The following MNAT1 variants were observed in gnomAD, a reference collection of about 807,000 sequenced individuals.
MNAT1 encodes CDK-activating kinase assembly factor MAT1.
In MNAT1, 43 loss-of-function variants were observed where a neutral mutation model predicts 42.0. The observed-to-expected ratio is 1.02, with a 90% confidence interval of 0.80 to 1.32. MNAT1 has a LOEUF of 1.32. Among genes scored for constraint, MNAT1 ranks in the 40% most tolerant of loss-of-function variants. The probability of loss-of-function intolerance (pLI) is 0.00; values close to 1 mark genes in which losing one functional copy is unlikely to be tolerated. For synonymous variants in MNAT1, 118 were observed against 120.0 expected (o/e 0.98, Z 0.11); for missense variants, 306 against 350.4 (o/e 0.87, Z 1.01).
chr14:60,782,399 G>A (rs781485681), intron 1 of MNAT1, among the ~76,000 whole-genome samples: 2 of 152,052 alleles, frequency 1.3e-5, no homozygotes, highest in Non-Finnish European at 2.9e-5. Flanking sequence ...TACACTGTGT[G>A]TATTGATACC....
At chr14:60,869,040 A>ATATATATTTT (rs1465360826) in intron 6 of MNAT1, among the ~76,000 whole-genome samples, 15 of 113,054 alleles carry the variant, frequency 1.3e-4, no homozygotes, top group African/African-American at 3.7e-4. Flanking sequence ...ATATATATAT[A>ATATATATTTT]TTTTTTTTTT....
intron 1 of MNAT1, among the ~76,000 whole-genome samples, chr14:60,743,733 A>G (rs1896538499): frequency 6.6e-6 from 1 of 152,240 alleles, no homozygotes; most frequent in Admixed American, 6.5e-5. Flanking sequence ...TTGACCATAC[A>G]AAAGATATCA....
chr14:60,832,556 T>C (rs1330614517), intron 6 of MNAT1, among the ~76,000 whole-genome samples: 7 of 152,324 alleles, frequency 4.6e-5, no homozygotes, highest in African/African-American at 1.4e-4. Flanking sequence ...TTGGTACCAG[T>C]ACCATGTTGT....
At chr14:60,967,585 A>G in intron 7 of MNAT1, among the ~76,000 whole-genome samples, 1 of 152,160 alleles carries the variant, frequency 6.6e-6, no homozygotes, top group Non-Finnish European at 1.5e-5. Context: ...GCAGAAAAAA[A>G]TTGTACTGTT....
At chr14:60,906,533 T>C (rs530642573) in intron 7 of MNAT1, among the ~76,000 whole-genome samples, 23 of 152,252 alleles carry the variant, frequency 1.5e-4, no homozygotes, top group African/African-American at 5.3e-4. Flanking sequence ...ATTATGGATA[T>C]AATTTTGATA....
chr14:60,762,190 C>T (rs1439921063), intron 1 of MNAT1, among the ~76,000 whole-genome samples: 1 of 152,166 alleles, frequency 6.6e-6, no homozygotes, highest in Non-Finnish European at 1.5e-5. Flanking sequence ...CCATAATCAT[C>T]TCTCTTTGTT....
At chr14:60,958,196 A>G (rs995366454) in intron 7 of MNAT1, among the ~76,000 whole-genome samples, 3 of 152,128 alleles carry the variant, frequency 2.0e-5, no homozygotes, top group Non-Finnish European at 2.9e-5. Context: ...TCCCTTTTGC[A>G]TTTCTTGTAA....
At chr14:60,750,367 C>T (rs2030026614) in intron 1 of MNAT1, among the ~76,000 whole-genome samples, 1 of 151,736 alleles carries the variant, frequency 6.6e-6, no homozygotes, top group African/African-American at 2.4e-5. Context: ...GCTGGGACTA[C>T]AGGCATCTGC....
intron 6 of MNAT1, among the ~76,000 whole-genome samples, chr14:60,871,451 T>G (rs550903059): frequency 6.6e-5 from 10 of 152,296 alleles, no homozygotes; most frequent in Admixed American, 5.2e-4. Context: ...ACTAACACTT[T>G]TTATTGTCTG....
intron 2 of MNAT1, 109 bp downstream of exon 2, chr14:60,796,478 C>G: frequency 3.0e-6 from 3 of 999,482 alleles, no homozygotes; most frequent in Non-Finnish European, 4.3e-6. Context: ...AAGTAAATAA[C>G]TATAAATTCA....
At chr14:60,797,790 G>T (rs2032065930) in intron 2 of MNAT1, among the ~76,000 whole-genome samples, 1 of 152,070 alleles carries the variant, frequency 6.6e-6, no homozygotes, top group Admixed American at 6.6e-5. Context: ...AAGTGGATAT[G>T]GTGGTGTGCG....
chr14:60,892,728 T>C lies in MNAT1; in HGVS notation c.809+12893T>C, dbSNP rs2034872348. Among the ~76,000 whole-genome samples the C allele has an allele frequency of 2.0e-5, 3 of 152,254 alleles. No individual in the cohort carries two copies. The South Asian group carries it at 6.2e-4, about 32-fold the overall frequency. ...TTTTTTAGTGCCACATTGAAATTCT[T>C]TGCTTATCCTCTATTGTGTATATTC... is the stretch of plus-strand genomic sequence containing the variant. On this transcript the variant is annotated intron_variant, in intron 7 of 7. Transcript: ENST00000261245.
intron 7 of MNAT1, 21 bp downstream of exon 7, chr14:60,879,856 T>G (rs758444305): frequency 6.2e-7 from 1 of 1,605,110 alleles, no homozygotes; most frequent in South Asian, 1.1e-5. Context: ...TAAAGAACTT[T>G]ACATTGAGGA....
chr14:60,957,852 T>G (rs565372528), intron 7 of MNAT1, among the ~76,000 whole-genome samples: 3 of 152,248 alleles, frequency 2.0e-5, no homozygotes, highest in African/African-American at 4.8e-5. Flanking sequence ...TGTTTTTTTT[T>G]TGGGGATGGC....
chr14:60,794,294 C>T (rs2031928570), intron 1 of MNAT1, among the ~76,000 whole-genome samples: 1 of 151,998 alleles, frequency 6.6e-6, no homozygotes, highest in Admixed American at 6.6e-5. Flanking sequence ...AGTGGTTTAT[C>T]TGGGGTTTAG....
chr14:60,772,404 G>A (rs975530429), intron 1 of MNAT1, among the ~76,000 whole-genome samples: 17 of 152,274 alleles, frequency 1.1e-4, no homozygotes, highest in African/African-American at 3.4e-4. Flanking sequence ...GACCAACATG[G>A]TAAAACCCTG....
rs2036725082 is a variant in MNAT1, at chr14:60,968,530, G to A, written c.*181G>A. The A allele has an allele frequency of 6.9e-7, 1 of 1,446,500 alleles. No individual in the cohort carries two copies. Among genetic ancestry groups the A allele is most frequent in the Non-Finnish European group, 9.2e-7 (1 of 1,088,216 alleles). 89.6% of individuals were successfully genotyped at this position (1,446,500 alleles called of 1,614,324 possible). On this transcript the variant is annotated 3_prime_UTR_variant, in exon 8 of 8. Transcript: ENST00000261245. ...AGTAATATAGGGGATATATATTTGT[G>A]AAAAATAATTTTTACTTATATTTTT...
chr14:60,914,345 C>G (rs908365094), intron 7 of MNAT1, among the ~76,000 whole-genome samples: 1 of 152,186 alleles, frequency 6.6e-6, no homozygotes, highest in South Asian at 2.1e-4. Context: ...CACCCACTGT[C>G]CGGCACTTCC....
chr14:60,879,635 C>T (rs2034504840), intron 6 of MNAT1, 79 bp from the exon 7 acceptor site: 4 of 1,374,510 alleles, frequency 2.9e-6, no homozygotes, highest in Non-Finnish European at 3.0e-6. Flanking sequence ...GAATTTAATT[C>T]ATCTTTAAAA....
Sources: allele counts gnomAD v4.1 joint callset (sites outside exome capture counted in the v4.1 genomes callset), GRCh38; gene constraint gnomAD v4.1.1; transcripts MANE v1.5; gene names NCBI Gene and HGNC (gene_info 2026-07-23, HGNC 2026-07-21).